Variants in DLGAP1 observed in about 807,000 individuals in gnomAD.
DLGAP1 encodes the protein DLG associated protein 1.
DLGAP1 carries 11 observed loss-of-function variants against 90.8 expected under a neutral mutation model. The observed-to-expected ratio is 0.12, with a 90% confidence interval of 0.08 to 0.20. The LOEUF is 0.20. Among genes scored for constraint, DLGAP1 ranks in the 10% least tolerant of loss-of-function variants. DLGAP1 has a pLI of 1.00. For missense variants in DLGAP1, 1,050 were observed against 1,333.8 expected (o/e 0.79, Z 3.31); for synonymous variants, 558 against 540.7 (o/e 1.03, Z -0.44).
At chr18:4,096,753 C>G (rs1329854511) in intron 2 of DLGAP1, among the ~76,000 whole-genome samples, 1 of 152,206 alleles carries the variant, frequency 6.6e-6, no homozygotes, top group Admixed American at 6.5e-5. Context: ...GTCTGCTGGA[C>G]TGAAGCAGAA....
chr18:4,109,889 GTTTA>G (rs1245497228), intron 2 of DLGAP1, among the ~76,000 whole-genome samples: 1 of 151,272 alleles, frequency 6.6e-6, no homozygotes, highest in African/African-American at 2.4e-5. Context: ...TTGTTTGTTT[GTTTA>G]TTTGTTTTTT....
chr18:3,853,659 G>A (rs954286908), intron 4 of DLGAP1, among the ~76,000 whole-genome samples: 1 of 151,824 alleles, frequency 6.6e-6, no homozygotes, highest in Non-Finnish European at 1.5e-5. Context: ...GTGATGCCTG[G>A]TTGTGTTTCC....
At chr18:3,952,633 T>C (rs2073010581) in intron 3 of DLGAP1, among the ~76,000 whole-genome samples, 4 of 152,052 alleles carry the variant, frequency 2.6e-5, no homozygotes, top group East Asian at 1.9e-4. Context: ...CCATGGTAAG[T>C]GGAGAGAAAA....
At chr18:3,522,074 A>G (rs1363432313) in intron 10 of DLGAP1, among the ~76,000 whole-genome samples, 1 of 136,626 alleles carries the variant, frequency 7.3e-6, no homozygotes, top group East Asian at 2.2e-4. Flanking sequence ...ATGATGAATT[A>G]TATTTCCTTA....
intron 1 of DLGAP1, among the ~76,000 whole-genome samples, chr18:4,228,323 A>G (rs866873901): frequency 6.6e-6 from 1 of 151,994 alleles, no homozygotes; most frequent in South Asian, 2.1e-4. Context: ...AGGAGGGAAT[A>G]CTTCCAACCT....
intron 7 of DLGAP1, among the ~76,000 whole-genome samples, chr18:3,636,386 G>C (rs1446441964): frequency 6.6e-6 from 1 of 151,544 alleles, no homozygotes; most frequent in African/African-American, 2.4e-5. Context: ...AATAGAATTT[G>C]TTTTCAATTA....
intron 1 of DLGAP1, among the ~76,000 whole-genome samples, chr18:4,372,293 C>G (rs2081933041): frequency 6.6e-6 from 1 of 152,206 alleles, no homozygotes; most frequent in Non-Finnish European, 1.5e-5. Context: ...ATTACTACTT[C>G]ATTCATTCAA....
chr18:4,129,133 G>C (rs2144187208), intron 2 of DLGAP1, among the ~76,000 whole-genome samples: 1 of 151,988 alleles, frequency 6.6e-6, no homozygotes, highest in South Asian at 2.1e-4. Flanking sequence ...CATAATAGAG[G>C]GGCTACCGAA....
At chr18:3,978,085 C>A in intron 3 of DLGAP1, 1 of 396,862 alleles carries the variant, frequency 2.5e-6, no homozygotes. Flanking sequence ...TTCTGGGTGG[C>A]AGTAATGGCG....
rs1568108649 is a variant in DLGAP1 at position 3,772,350 on chromosome 18, T to TTCTC, written c.1173-29839_1173-29838insGAGA. On this transcript the variant is annotated intron_variant, in intron 5 of 12. Coordinates refer to ENST00000315677, the MANE Select transcript of DLGAP1 (RefSeq NM_004746.4). ...TCTCTCCTTCTCTCTCTCTCTCTCT[T>TTCTC]TCTTTCTTTCTTTCTTTCTTTCTTT... is the stretch of plus-strand genomic sequence containing the variant. Among the ~76,000 whole-genome samples the TTCTC allele has an allele frequency of 5.4e-3, 11 of 2,022 alleles. 1 individual carries two copies. The highest frequency in any genetic ancestry group is 0.014 in the Admixed American group (2 of 144). 1.3% of individuals were successfully genotyped at this position (2,022 alleles called of 152,430 possible). A position where few individuals can be genotyped will look rare whatever the true frequency, so the allele number is the denominator to read the frequency against.
chr18:3,825,952 A>G (rs1320870241), intron 4 of DLGAP1, among the ~76,000 whole-genome samples: 1 of 152,248 alleles, frequency 6.6e-6, no homozygotes, highest in African/African-American at 2.4e-5. Context: ...CCATAAAAAA[A>G]GAACAAAATC....
intron 7 of DLGAP1, among the ~76,000 whole-genome samples, chr18:3,692,948 C>T (rs751087530): frequency 8.5e-5 from 13 of 152,160 alleles, no homozygotes; most frequent in East Asian, 1.9e-4. Flanking sequence ...ATGAAAGCCA[C>T]GCAGCATGAC....
chr18:3,650,274 C>T (rs1303952093), intron 7 of DLGAP1, among the ~76,000 whole-genome samples: 1 of 152,120 alleles, frequency 6.6e-6, no homozygotes, highest in Non-Finnish European at 1.5e-5. Context: ...GAACTCCTGA[C>T]CTCAAGTGAT....
chr18:4,251,243 T>C (rs1418329683), intron 1 of DLGAP1, among the ~76,000 whole-genome samples: 1 of 152,212 alleles, frequency 6.6e-6, no homozygotes, highest in Non-Finnish European at 1.5e-5. Flanking sequence ...ACATAAATCT[T>C]ATAAATTGCT....
chr18:3,977,582 G>A (rs7235908), intron 3 of DLGAP1: 2,947 of 203,392 alleles, frequency 0.014, 70 homozygotes, highest in African/African-American at 0.056. Context: ...GACTGAGTGC[G>A]GCAGGGACTC....
At chr18:3,533,985 T>C (rs1190941137) in intron 10 of DLGAP1, among the ~76,000 whole-genome samples, 1 of 152,150 alleles carries the variant, frequency 6.6e-6, no homozygotes, top group Non-Finnish European at 1.5e-5. Flanking sequence ...GACAGTGTTA[T>C]ATCTACCCAG....
chr18:3,926,310 G>C (rs1201555416), intron 3 of DLGAP1, among the ~76,000 whole-genome samples: 1 of 152,028 alleles, frequency 6.6e-6, no homozygotes, highest in African/African-American at 2.4e-5. Context: ...CCCCTTCCCA[G>C]CTGTGACAGC....
Position 3,942,994 on chromosome 18 carries a change from CTCTTGATGCAG to C in DLGAP1, c.-73+62111_-73+62121del. 1.3e-5 allele frequency among the ~76,000 whole-genome samples: 2 copies of C among 151,684 alleles called. 1 individual carries two copies. The highest frequency in any genetic ancestry group is 3.9e-4 in the East Asian group (2 of 5,166). On this transcript the variant is annotated intron_variant, in intron 3 of 12. Transcript: ENST00000315677. ...GTTTTTTTTTTTCCACCTAAGCAAT[CTCTTGATGCAG>C]CTATTAAAAATAAATAGGTAGTTTC...
At chr18:3,645,365 A>AAAATAAAT (rs60252265) in intron 7 of DLGAP1, among the ~76,000 whole-genome samples, 4 of 151,746 alleles carry the variant, frequency 2.6e-5, no homozygotes, top group Admixed American at 6.6e-5. Flanking sequence ...ACAGAAAATG[A>AAAATAAAT]AAATAAATAA....
Sources: gnomAD v4.1 joint callset for allele counts (sites outside exome capture counted in the v4.1 genomes callset) on GRCh38, gnomAD v4.1.1 for gene constraint, MANE v1.5 for transcripts, NCBI Gene and HGNC (gene_info 2026-07-23, HGNC 2026-07-21) for gene names.